Variants in KAT6A observed in about 807,000 individuals in gnomAD.
KAT6A encodes the protein lysine acetyltransferase 6A.
KAT6A carries 9 observed loss-of-function variants against 198.4 expected under a neutral mutation model. The ratio of observed to expected loss-of-function variants is 0.05; its 90% confidence interval spans 0.03 to 0.08. The LOEUF is 0.08. KAT6A is among the 10% of genes least tolerant of loss of function. The probability of loss-of-function intolerance (pLI) is 1.00; values close to 1 mark genes in which losing one functional copy is unlikely to be tolerated. For synonymous variants in KAT6A, 890 were observed against 883.0 expected (o/e 1.01, Z -0.14); for missense variants, 2,077 against 2,509.9 (o/e 0.83, Z 3.69).
chr8:41,933,459 G>A lies in KAT6A; in HGVS notation c.4761C>T (p.Cys1587=). 1.2e-6 allele frequency: 2 copies of A among 1,612,940 alleles called. No individual in the cohort carries two copies. The highest frequency in any genetic ancestry group is 1.7e-6 in the Non-Finnish European group (2 of 1,179,234). ...ICGNSSSQSS[C]SYGGLSSSSS... ...TGGAGGACGACAGCCCACCGTAGGA[G>A]CAGCTGCTCTGGGAAGAGCTGTTCC... Residue 1587 remains cysteine, a synonymous_variant, in exon 17 of 17, where the codon TGC becomes TGT. Transcript: ENST00000265713. This position sits in a 1 kb window ranked among gnomAD's most constrained non-coding sequence, Gnocchi z 6.2.
At chr8:42,051,052 G>A (rs1301244074) in intron 1 of KAT6A, among the ~76,000 whole-genome samples, 1 of 152,110 alleles carries the variant, frequency 6.6e-6, no homozygotes, top group African/African-American at 2.4e-5. Context: ...CCGACGGGGC[G>A]CTGCACCGTT....
In KAT6A at chr8:41,962,728, CAAG is replaced by C. The variant is rs1216614530; in HGVS notation, c.1483-7320_1483-7318del. Among the ~76,000 whole-genome samples, 10 of 152,224 alleles carry C rather than the reference CAAG, an allele frequency of 6.6e-5. No individual in the cohort carries two copies. In the East Asian group the frequency reaches 1.9e-3, roughly 29 times the overall value. ...TAAAAGTCAAAGTCCTTACAATGGCCAAGAAGACCCTACAAAAGCCAGCCTTCC... is the reference window on the plus strand; with the variant it reads ...TAAAAGTCAAAGTCCTTACAATGGCCAAGACCCTACAAAAGCCAGCCTTCC... On this transcript the variant is annotated intron_variant, in intron 8 of 16. Coordinates refer to ENST00000265713, the MANE Select transcript of KAT6A (RefSeq NM_006766.5).
intron 1 of KAT6A, among the ~76,000 whole-genome samples, chr8:42,050,056 TGTAA>T (rs34011000): frequency 0.25 from 37,288 of 151,916 alleles, 5,090 homozygotes; most frequent in Middle Eastern, 0.42. Flanking sequence ...TCAAACTGCG[TGTAA>T]GTAATTCAGA....
At chr8:42,016,911 A>T (rs761056072) in intron 2 of KAT6A, among the ~76,000 whole-genome samples, 3 of 152,176 alleles carry the variant, frequency 2.0e-5, no homozygotes, top group Non-Finnish European at 4.4e-5. Context: ...TGCAAAAAAA[A>T]ATTAGCACTA....
intron 7 of KAT6A, among the ~76,000 whole-genome samples, chr8:41,976,431 T>A (rs987289027): frequency 6.6e-5 from 10 of 152,256 alleles, no homozygotes; most frequent in African/African-American, 2.4e-4. Flanking sequence ...AGATGTTTTC[T>A]ACTTTGAAAA....
At chr8:41,975,805 G>A (rs1464213282) in intron 7 of KAT6A, among the ~76,000 whole-genome samples, 1 of 152,140 alleles carries the variant, frequency 6.6e-6, no homozygotes, top group East Asian at 1.9e-4. Context: ...TGATACACTT[G>A]CTCTAACAAT....
At position 41,934,071 on chromosome 8, in the gene KAT6A, G is replaced by C. The variant is rs35760242; in HGVS notation, c.4149C>G (p.Ser1383=). ...ACCCAGCCATCTGCTCTGACACCAC[G>C]GACGTGTCATGGGAAGGCTGCTCCT... ...SEEEQPSHDT[S]VVSEQMAGSE... The change falls in exon 17 of 17, where the codon TCC becomes TCG. Residue 1383 remains serine (S), a synonymous_variant. Transcript: ENST00000265713. The C allele has an allele frequency of 1.9e-6, 3 of 1,614,044 alleles. No individual in the cohort carries two copies. Among genetic ancestry groups the C allele is most frequent in the South Asian group, 1.1e-5 (1 of 91,070 alleles).
chr8:41,943,632 C>G (rs1822249450), intron 13 of KAT6A, 116 bp downstream of exon 13: 8 of 664,304 alleles, frequency 1.2e-5, no homozygotes, highest in Admixed American at 5.6e-5. Flanking sequence ...ATCTCATTAT[C>G]ACCAAGTATA....
chr8:41,960,149 AGGGGTGGGGGGTT>A (rs1823126721), intron 8 of KAT6A, among the ~76,000 whole-genome samples: 1 of 107,886 alleles, frequency 9.3e-6, no homozygotes, highest in African/African-American at 3.6e-5. Flanking sequence ...GGGTGGGGGT[AGGGGTGGGGGGTT>A]GGGAGTTGTT....
At chr8:42,006,722 G>C (rs1302513241) in intron 2 of KAT6A, among the ~76,000 whole-genome samples, 2 of 152,112 alleles carry the variant, frequency 1.3e-5, no homozygotes, top group Non-Finnish European at 2.9e-5. Context: ...AGTTGACTGG[G>C]CACAGTGTCA....
chr8:41,967,487 C>G (rs1245613448), intron 8 of KAT6A, among the ~76,000 whole-genome samples: 2 of 141,730 alleles, frequency 1.4e-5, no homozygotes, highest in Non-Finnish European at 3.0e-5. Context: ...TGATGTTCCC[C>G]TTCCTGTGTC....
chr8:42,028,002 G>A (rs910528753), intron 2 of KAT6A, among the ~76,000 whole-genome samples: 12 of 152,002 alleles, frequency 7.9e-5, no homozygotes, highest in Admixed American at 7.9e-4. Flanking sequence ...TATCTTCATT[G>A]ACCCAGTGAT....
intron 2 of KAT6A, among the ~76,000 whole-genome samples, chr8:42,007,345 T>C (rs186876305): frequency 1.3e-5 from 2 of 152,350 alleles, no homozygotes; most frequent in Admixed American, 1.3e-4. Flanking sequence ...CCTGGGTTCT[T>C]CATTTGTAAA....
chr8:41,995,445 G>A (rs1825149413), intron 2 of KAT6A, among the ~76,000 whole-genome samples: 1 of 152,102 alleles, frequency 6.6e-6, no homozygotes, highest in South Asian at 2.1e-4. Context: ...TCACCAGATG[G>A]CAGTATTGAG....
Position 41,933,057 on chromosome 8 carries a change from T to A in KAT6A, c.5163A>T (p.Pro1721=), listed in dbSNP as rs1446561464. The A allele has an allele frequency of 6.2e-7, 1 of 1,610,860 alleles. No individual in the cohort carries two copies. Among genetic ancestry groups the A allele is most frequent in the Admixed American group, 1.7e-5 (1 of 59,278 alleles). The change falls in exon 17 of 17, where the codon CCA becomes CCT. Residue 1721 remains proline, a synonymous_variant. Coordinates refer to ENST00000265713, the MANE Select transcript of KAT6A (RefSeq NM_006766.5). The surrounding 1 kb of genome is among the most constrained non-coding windows in gnomAD (Gnocchi z 6.2). ...TTATGTTCCCAGTGCTTCCAGATTC[T>A]GGTATCTCCATGATCATAGGAGCTG... ...FTPAPMIMEI[P]ESGSTGNISI...
intron 2 of KAT6A, among the ~76,000 whole-genome samples, chr8:41,988,731 C>T (rs898205057): frequency 2.0e-5 from 3 of 152,146 alleles, no homozygotes; most frequent in Admixed American, 1.3e-4. Flanking sequence ...AAGATGGTGA[C>T]GCTATCAACT....
chr8:42,014,120 TA>T (rs375690984), intron 2 of KAT6A, among the ~76,000 whole-genome samples: 96 of 147,654 alleles, frequency 6.5e-4, no homozygotes, highest in Admixed American at 2.0e-3. Context: ...TTAGAATTGT[TA>T]AAAAAAAAAC....
intron 2 of KAT6A, among the ~76,000 whole-genome samples, chr8:42,002,979 T>C (rs1174190917): frequency 6.6e-6 from 1 of 152,126 alleles, no homozygotes; most frequent in East Asian, 1.9e-4. Flanking sequence ...AATAGTACCA[T>C]CTATTAAGCT....
chr8:42,015,266 T>C (rs1027603981), intron 2 of KAT6A, among the ~76,000 whole-genome samples: 3 of 152,148 alleles, frequency 2.0e-5, no homozygotes, highest in African/African-American at 4.8e-5. Flanking sequence ...AGAGTTGCAA[T>C]CTATAGCCAG....
Sources: gnomAD v4.1 joint callset for allele counts (sites outside exome capture counted in the v4.1 genomes callset) on GRCh38, gnomAD v4.1.1 for gene constraint, Gnocchi (gnomAD v3.1) non-coding constraint, MANE v1.5 for transcripts, NCBI Gene and HGNC (gene_info 2026-07-23, HGNC 2026-07-21) for gene names.